Variants in DMBT1 observed in about 807,000 individuals in gnomAD.
DMBT1 encodes the protein scavenger receptor cysteine-rich domain-containing protein DMBT1.
DMBT1 carries 198 observed loss-of-function variants against 252.9 expected under a neutral mutation model. The ratio of observed to expected loss-of-function variants is 0.78; its 90% CI spans 0.70 to 0.88. The LOEUF (loss-of-function observed/expected upper bound fraction) is 0.88, where lower values mean the gene tolerates loss of function less well. Among genes scored for constraint, DMBT1 ranks in the 40% least tolerant of loss-of-function variants. The pLI is 0.00. For missense variants in DMBT1, 2,432 were observed against 2,404.7 expected, an observed-to-expected ratio of 1.01 and a Z score of -0.24; for synonymous variants, 990 against 942.7, an observed-to-expected ratio of 1.05 and a Z score of -0.92.
At position 122,640,092 on chromosome 10, in the gene DMBT1, G is replaced by GT; in HGVS notation, c.6996dup (p.Gly2333TrpfsTer30). On this transcript the variant is annotated frameshift_variant, in exon 55 of 56. Transcript: ENST00000338354. LOFTEE classifies it high-confidence loss of function. ...AACTTCCTCACAGCAGCTGTCTCAG[G>GT]TGGCATCATCAAGAGGAGGACAGAC... The GT allele has an allele frequency of 6.2e-7, 1 of 1,614,038 alleles. No individual in the cohort carries two copies. The highest frequency in any genetic ancestry group is 8.5e-7 in the Non-Finnish European group (1 of 1,179,896).
At chr10:122,617,631 C>A (rs2098007292) in intron 40 of DMBT1, among the ~76,000 whole-genome samples, 1 of 151,668 alleles carries the variant, frequency 6.6e-6, no homozygotes, top group Non-Finnish European at 1.5e-5. Context: ...AAGTCCTTGC[C>A]ATCCCTGGAA....
At chr10:122,634,720 C>T (rs2098212276) in intron 52 of DMBT1, among the ~76,000 whole-genome samples, 1 of 152,114 alleles carries the variant, frequency 6.6e-6, no homozygotes, top group Admixed American at 6.5e-5. Context: ...TGGTCTTCAA[C>T]TCCTGGCCTC....
chr10:122,631,587 T>C (rs1034665443), intron 49 of DMBT1, among the ~76,000 whole-genome samples: 4 of 152,164 alleles, frequency 2.6e-5, no homozygotes, highest in African/African-American at 7.2e-5. Flanking sequence ...TGGTGACAAT[T>C]GGGATGGTTT....
At chr10:122,635,474 C>T (rs1430266547) in intron 52 of DMBT1, among the ~76,000 whole-genome samples, 2 of 152,130 alleles carry the variant, frequency 1.3e-5, no homozygotes, top group African/African-American at 4.8e-5. Context: ...GGACTAAGAC[C>T]CAGGCATGGA....
chr10:122,588,506 G>A (rs1433649801), intron 16 of DMBT1, among the ~76,000 whole-genome samples: 1 of 149,206 alleles, frequency 6.7e-6, no homozygotes, highest in East Asian at 2.1e-4. Flanking sequence ...CTGCAGACCT[G>A]CAAGGGTGGG....
intron 5 of DMBT1, 93 bp downstream of exon 5, chr10:122,572,454 A>C (rs2097673531): frequency 6.5e-7 from 1 of 1,543,016 alleles, no homozygotes; most frequent in Admixed American, 1.7e-5. Flanking sequence ...AGGACATAGA[A>C]AGTAGTGTGC....
At chr10:122,573,942 C>T (rs2097689139) in intron 6 of DMBT1, among the ~76,000 whole-genome samples, 180 bp downstream of exon 6, 1 of 152,142 alleles carries the variant, frequency 6.6e-6, no homozygotes, top group Admixed American at 6.5e-5. Context: ...ATGTCTGAGA[C>T]TGAGGAGGAA....
rs778751058 is a variant in DMBT1, at chr10:122,592,327, C to T, written c.2232C>T (p.Gly744=). 6.3e-7 allele frequency: 1 copy of T among 1,587,792 alleles called. No individual in the cohort carries two copies. Among genetic ancestry groups the T allele is most frequent in the South Asian group, 1.2e-5 (1 of 86,896 alleles). ...RLVNGSDRCQ[G]RVEVLYRGSW... ...TGAATGGAAGTGACAGGTGTCAGGGCCGAGTAGAGGTCCTATACCGAGGCT... is the reference window on the plus strand; with the variant it reads ...TGAATGGAAGTGACAGGTGTCAGGGTCGAGTAGAGGTCCTATACCGAGGCT... Residue 744 remains glycine (G), a synonymous_variant, in exon 20 of 56, where the codon GGC becomes GGT. Coordinates refer to ENST00000338354, the MANE Select transcript of DMBT1 (RefSeq NM_001377530.1).
In DMBT1 at chr10:122,586,402, T is replaced by C; in HGVS notation, c.1783+19T>C. 6.3e-7 allele frequency: 1 copy of C among 1,587,558 alleles called. No homozygotes were observed. The highest frequency in any genetic ancestry group is 1.7e-5 in the Admixed American group (1 of 59,486). ...TGCTCAGGTGGGCCTCCAAGACTTT[T>C]GGTTTCCTCTCTTGGGGTAGATTTT... On this transcript the variant is annotated intron_variant, in intron 16 of 55. Transcript: ENST00000338354.
intron 26 of DMBT1, among the ~76,000 whole-genome samples, chr10:122,599,407 A>C (rs2097917692): frequency 6.6e-6 from 1 of 152,128 alleles, no homozygotes; most frequent in Non-Finnish European, 1.5e-5. Flanking sequence ...GCACGGTGTG[A>C]GGGTATAATG....
rs780912281 is a variant in DMBT1 at position 122,576,638 on chromosome 10, G to A, written c.523G>A (p.Glu175Lys). The A allele has an allele frequency of 5.0e-6, 8 of 1,613,672 alleles. No individual in the cohort carries two copies. Among genetic ancestry groups the A allele is most frequent in the East Asian group, 2.2e-5 (1 of 44,886 alleles). ...ALDDVRCSGH[E>K]SYLWSCPHNG... ...GGATGATGTGCGCTGCTCAGGACAC[G>A]AATCCTACCTGTGGAGCTGCCCCCA... The change falls in exon 7 of 56, where the codon GAA (glutamate) becomes AAA (lysine). Residue 175 changes from glutamate (E) to lysine (K), a missense_variant. By Grantham distance (56) the Glu-to-Lys change is moderately conservative. Transcript: ENST00000338354.
intron 52 of DMBT1, 47 bp downstream of exon 52, chr10:122,633,388 A>G (rs1204413786): frequency 1.9e-6 from 3 of 1,593,138 alleles, no homozygotes; most frequent in Non-Finnish European, 2.5e-6. Flanking sequence ...CAGACCTTTC[A>G]AGAGGGAATA....
In DMBT1 at chr10:122,585,575, A is replaced by G. The variant is rs550629648; in HGVS notation, c.1459+266A>G. Among the ~76,000 whole-genome samples the G allele has an allele frequency of 3.2e-4, 48 of 148,556 alleles. 4 individuals are homozygous for G. The highest frequency in any genetic ancestry group is 8.5e-4 in the African/African-American group (35 of 41,180). ...CCAGGTGCCAAGGAAAAGCCCTGGA[A>G]GCTTCCCTAATCCTACTAAGACCTC... On this transcript the variant is annotated intron_variant, in intron 15 of 55. Transcript: ENST00000338354.
chr10:122,572,482 GT>G (rs2097673791), intron 5 of DMBT1, 121 bp downstream of exon 5: 1 of 1,376,276 alleles, frequency 7.3e-7, no homozygotes, highest in Admixed American at 1.7e-5. Flanking sequence ...AGGTGCTCAG[GT>G]AGTGTGGATA....
At position 122,618,170 on chromosome 10, in the gene DMBT1, G is replaced by T; in HGVS notation, c.5045G>T (p.Gly1682Val). The change falls in exon 41 of 56, where the codon GGC becomes GTC. Residue 1682 changes from glycine (G) to valine (V), a missense_variant. Physicochemically the swap from Gly to Val is moderately radical, Grantham distance 109 (BLOSUM62 -3). Coordinates refer to ENST00000338354, the MANE Select transcript of DMBT1 (RefSeq NM_001377530.1). ...ANVVCRQLGC[G>V]WAMSAPGNAQ... ...GTGGTCTGCAGGCAGCTGGGCTGTG[G>T]CTGGGCCATGTCAGCCCCAGGAAAT... 2 of 1,613,934 alleles carry T rather than the reference G, an allele frequency of 1.2e-6. No homozygotes were observed. Among genetic ancestry groups the T allele is most frequent in the Non-Finnish European group, 1.7e-6 (2 of 1,179,868 alleles).
chr10:122,617,355 C>T lies in DMBT1; in HGVS notation c.4891+95C>T, dbSNP rs112618039. The T allele has an allele frequency of 1.1e-3, 1,532 of 1,429,812 alleles. 102 individuals are homozygous for T. In the East Asian group the frequency reaches 0.034, roughly 31 times the overall value. The allele number at this position is 1,429,812 out of a possible 1,614,324, so 88.6% of individuals were successfully genotyped here. On this transcript the variant is annotated intron_variant, in intron 40 of 55. Transcript: ENST00000338354. ...GATGAGGCTCAAGGTGGGCCCCTCTCTTTTCATGTCCCTGTGGGTTGGGTG... is the reference window on the plus strand; with the variant it reads ...GATGAGGCTCAAGGTGGGCCCCTCTTTTTTCATGTCCCTGTGGGTTGGGTG...
At chr10:122,580,031 C>T (rs528697916) in intron 10 of DMBT1, 130 bp downstream of exon 10, 6 of 1,504,620 alleles carry the variant, frequency 4.0e-6, no homozygotes. Context: ...TGTCAGCTCT[C>T]TGCTAAGAAT....
intron 1 of DMBT1, among the ~76,000 whole-genome samples, chr10:122,562,457 G>C (rs929007357): frequency 6.6e-6 from 1 of 152,162 alleles, no homozygotes; most frequent in African/African-American, 2.4e-5. Context: ...GGGCCACCAG[G>C]CCCAGGACCT....
At chr10:122,643,046 C>G in intron 55 of DMBT1, 76 bp from the exon 56 acceptor site, 1 of 1,563,326 alleles carries the variant, frequency 6.4e-7, no homozygotes, top group Non-Finnish European at 8.7e-7. Flanking sequence ...CTGTGGAGTT[C>G]CTCACCTGGT....
Sources: gnomAD v4.1 joint callset for allele counts (sites outside exome capture counted in the v4.1 genomes callset) on GRCh38, gnomAD v4.1.1 for gene constraint, MANE v1.5 for transcripts, NCBI Gene and HGNC (gene_info 2026-07-23, HGNC 2026-07-21) for gene names.